Variants in NBPF26 observed in about 807,000 individuals in gnomAD.
NBPF26 encodes the protein NBPF family member NBPF26.
NBPF26 carries 79 observed loss-of-function variants against 119.6 expected under a neutral mutation model. The ratio of observed to expected loss-of-function variants is 0.66; its 90% confidence interval spans 0.55 to 0.80. The LOEUF (loss-of-function observed/expected upper bound fraction) is 0.80, where lower values mean the gene tolerates loss of function less well. Among genes scored for constraint, NBPF26 ranks in the 30% least tolerant of loss-of-function variants. The pLI, the probability that NBPF26 is intolerant of heterozygous loss-of-function variation, is 0.00. For synonymous variants in NBPF26, 299 were observed against 457.7 expected (o/e 0.65, Z 4.43); for missense variants, 800 against 1,198.2 (o/e 0.67, Z 4.91).
At chr1:120,766,115 T>G (rs1332444818) in intron 2 of NBPF26, among the ~76,000 whole-genome samples, 1 of 42,680 alleles carries the variant, frequency 2.3e-5, no homozygotes, top group Non-Finnish European at 4.2e-5. Flanking sequence ...ACCTGCACAT[T>G]CTGCACATGT....
chr1:120,785,119 T>A lies in NBPF26; in HGVS notation c.301T>A (p.Cys101Ser). ...TGCCTCAGGGTTTACAGGAGAGGAC[T>A]GCCAGTACTCGACACCTCATCCATG... is the stretch of plus-strand genomic sequence containing the variant. The change falls in exon 3 of 30, where the codon TGC (cysteine) becomes AGC (serine). Residue 101 changes from cysteine (C) to serine (S), a missense_variant. By Grantham distance (112) the Cys-to-Ser change is moderately radical. This residue lies in a region of NBPF26 where 209 missense variants were observed against 285.2 expected (regional missense o/e 0.73). Coordinates refer to ENST00000620612, the Ensembl canonical transcript of NBPF26. 4.8e-6 allele frequency: 7 copies of A among 1,446,564 alleles called. 2 individuals are homozygous for A. The highest frequency in any genetic ancestry group is 6.5e-6 in the Non-Finnish European group (7 of 1,082,446). The allele number at this position is 1,446,564 out of a possible 1,614,324, so 89.6% of individuals were successfully genotyped here.
intron 14 of NBPF26, among the ~76,000 whole-genome samples, chr1:120,817,891 G>A (rs1447217906): frequency 2.7e-5 from 3 of 112,976 alleles, no homozygotes; most frequent in East Asian, 2.3e-4. Flanking sequence ...CTCAAGCAGG[G>A]AATATGGCAT....
At chr1:120,832,658 A>G (rs1378877130) in intron 22 of NBPF26, among the ~76,000 whole-genome samples, 1 of 121,272 alleles carries the variant, frequency 8.2e-6, no homozygotes, top group Non-Finnish European at 1.6e-5. Flanking sequence ...TGGGATAACG[A>G]TCTACTAGAA....
chr1:120,745,832 A>T (rs1238694547), intron 1 of NBPF26, among the ~76,000 whole-genome samples: 2 of 92,172 alleles, frequency 2.2e-5, no homozygotes, highest in African/African-American at 1.4e-4. Flanking sequence ...AAAAAAAAAA[A>T]AAACAAGGTA....
At chr1:120,823,681 G>C (rs1228268965) in intron 17 of NBPF26, among the ~76,000 whole-genome samples, 1 of 121,442 alleles carries the variant, frequency 8.2e-6, no homozygotes, top group East Asian at 2.0e-4. Context: ...TGTGTGTCCT[G>C]AGAGCACAAA....
At chr1:120,723,994 C>A in exon 1 of NBPF26, 1 of 1,209,424 alleles carries the variant, frequency 8.3e-7, no homozygotes, top group South Asian at 1.8e-5. Context: ...GCGGCGGACT[C>A]GGGGCGCGGG....
At chr1:120,820,849 C>T (rs1357628898) in intron 15 of NBPF26, among the ~76,000 whole-genome samples, 6 of 34 alleles carry the variant, frequency 0.18, no homozygotes, top group Non-Finnish European at 0.28. Context: ...CCATTCTCCC[C>T]GTCACTTTCA....
In NBPF26 at chr1:120,808,058, CCTGA is replaced by C. The variant is rs1360486162; in HGVS notation, c.1064+357_1064+360del. Among the ~76,000 whole-genome samples, 8 of 119,130 alleles carry C rather than the reference CCTGA, an allele frequency of 6.7e-5. 1 individual carries two copies. Among genetic ancestry groups the C allele is most frequent in the Non-Finnish European group, 3.4e-5 (2 of 59,292 alleles). The allele number at this position is 119,130 out of a possible 152,430, so 78.2% of individuals were successfully genotyped here. ...CACTTACCCTTAGTGAGAATCACCT[CCTGA>C]CTGACTGCGGCTTCTCATTCTTTCA... On this transcript the variant is annotated intron_variant, in intron 6 of 29. Coordinates refer to ENST00000620612, the Ensembl canonical transcript of NBPF26.
chr1:120,814,872 C>T lies in NBPF26; in HGVS notation c.1921C>T (p.Gln641Ter), dbSNP rs1208294567. The T allele has an allele frequency of 1.2e-4, 152 of 1,241,448 alleles. 19 individuals are homozygous for T. Among genetic ancestry groups the T allele is most frequent in the Non-Finnish European group, 1.7e-4 (148 of 883,406 alleles). 76.9% of individuals were successfully genotyped at this position (1,241,448 alleles called of 1,614,324 possible). Residue 641 changes from glutamine to a stop codon, truncating the protein, a stop_gained, in exon 12 of 30, where the codon CAG (glutamine) becomes TAG (stop). Transcript: ENST00000620612. LOFTEE classifies it high-confidence loss of function. ...TCACGCTCAGGAACGAGAGCTGACC[C>T]AGTTAAGGGAGAAGTTGCGGGAAGG... is the stretch of plus-strand genomic sequence containing the variant.
chr1:120,745,846 T>A (rs1650977797), intron 1 of NBPF26, among the ~76,000 whole-genome samples: 6 of 77,168 alleles, frequency 7.8e-5, no homozygotes, highest in Middle Eastern at 4.8e-3. Context: ...CAAGGTAAAG[T>A]AATTTTTCAA....
chr1:120,840,550 G>C (rs1652495234), exon 30 of NBPF26: 1 of 1,467,234 alleles, frequency 6.8e-7, no homozygotes, highest in Non-Finnish European at 9.2e-7. Flanking sequence ...ACGGTGACAA[G>C]TCTCCACCTG....
intron 1 of NBPF26, among the ~76,000 whole-genome samples, chr1:120,730,728 T>G (rs1360347572): frequency 1.7e-5 from 1 of 58,202 alleles, no homozygotes; most frequent in Non-Finnish European, 2.9e-5. Context: ...ATTTTATTAA[T>G]TTGTGTATGT....
chr1:120,840,227 C>T lies in NBPF26; in HGVS notation c.4104-123C>T, dbSNP rs61810198. On this transcript the variant is annotated intron_variant, in intron 29 of 29. Transcript: ENST00000620612. ...TAAAGGCAATAAATTTTTTTTTTACCTCATTAATGGATCTATCCTTTTTCT... is the reference window on the plus strand; with the variant it reads ...TAAAGGCAATAAATTTTTTTTTTACTTCATTAATGGATCTATCCTTTTTCT... 55 of 1,348,196 alleles carry T rather than the reference C, an allele frequency of 4.1e-5. 11 individuals are homozygous for T. The highest frequency in any genetic ancestry group is 2.5e-5 in the Admixed American group (1 of 40,578). 83.5% of individuals were successfully genotyped at this position (1,348,196 alleles called of 1,614,324 possible). A position where few individuals can be genotyped will look rare whatever the true frequency, so the allele number is the denominator to read the frequency against.
At chr1:120,823,866 G>A in intron 17 of NBPF26, 108 bp from the exon 18 acceptor site, 1 of 529,030 alleles carries the variant, frequency 1.9e-6, no homozygotes, top group Non-Finnish European at 3.3e-6. Context: ...TAATGGATCT[G>A]TCCTTTTTCT....
chr1:120,805,110 G>A lies in NBPF26; in HGVS notation c.752-446G>A, dbSNP rs1325984879. Among the ~76,000 whole-genome samples, 6 of 124,722 alleles carry A rather than the reference G, an allele frequency of 4.8e-5. 1 individual carries two copies. The highest frequency in any genetic ancestry group is 4.0e-4 in the East Asian group (2 of 5,000). The allele number at this position is 124,722 out of a possible 152,430, so 81.8% of individuals were successfully genotyped here. On this transcript the variant is annotated intron_variant, in intron 4 of 29. Transcript: ENST00000620612. ...TGCTTAGATGTATTGGGAAAGACAC[G>A]GGTCTGTGGCATTGTCAACAAGGGT... is the stretch of plus-strand genomic sequence containing the variant.
intron 4 of NBPF26, among the ~76,000 whole-genome samples, chr1:120,805,022 C>T (rs1651646860): frequency 1.7e-5 from 2 of 119,348 alleles, no homozygotes; most frequent in Non-Finnish European, 3.3e-5. Flanking sequence ...AAAATATAAC[C>T]TGTTGGGAAA....
At chr1:120,766,054 G>A (rs1156237849) in intron 2 of NBPF26, among the ~76,000 whole-genome samples, 1 of 37,072 alleles carries the variant, frequency 2.7e-5, no homozygotes, top group Non-Finnish European at 4.9e-5. Context: ...CCTGGATGAC[G>A]GGTTGATAGG....
intron 15 of NBPF26, among the ~76,000 whole-genome samples, chr1:120,820,448 AT>A (rs1349882736): frequency 0.18 from 400 of 2,276 alleles, 40 homozygotes; most frequent in Admixed American, 0.38. Context: ...AGTATTAAAA[AT>A]ATATATATAT....
intron 5 of NBPF26, among the ~76,000 whole-genome samples, chr1:120,807,037 A>C (rs1454797406): frequency 3.1e-5 from 4 of 130,286 alleles, no homozygotes; most frequent in Admixed American, 2.9e-4. Flanking sequence ...CTCTCATACT[A>C]ATAAAGTATT....
Sources: gnomAD v4.1 joint callset for allele counts (sites outside exome capture counted in the v4.1 genomes callset) on GRCh38, gnomAD v4.1.1 for gene constraint, gnomAD v4.1.1 regional missense constraint, MANE v1.5 for transcripts, NCBI Gene and HGNC (gene_info 2026-07-23, HGNC 2026-07-21) for gene names.